The following NOXA1 variants were observed in gnomAD, a reference collection of about 807,000 sequenced individuals.
NOXA1 encodes the protein NCF2-like protein.
In NOXA1, 56 loss-of-function variants were observed where a neutral mutation model predicts 64.8. The observed-to-expected ratio is 0.86, with a 90% CI of 0.70 to 1.08. NOXA1 has a LOEUF of 1.08. Ranked by LOEUF, NOXA1 falls within the 50% of genes least tolerant of loss-of-function variation. The pLI is 0.00. For missense variants in NOXA1, 668 were observed against 658.5 expected, an observed-to-expected ratio of 1.01 and a Z score of -0.16; for synonymous variants, 295 against 294.8, an observed-to-expected ratio of 1.00 and a Z score of -0.01.
chr9:137,433,963 A>G lies in NOXA1; in HGVS notation c.1180-2A>G, dbSNP rs765672446. ...GACCTGCAGCCCACTCTCCTGCCTC[A>G]GGGAGCCGGGGGTCGGCCGGTCCTC... On this transcript the variant is annotated splice_acceptor_variant, in intron 12 of 13. Transcript: ENST00000683555. LOFTEE classifies it high-confidence loss of function. The G allele has an allele frequency of 1.3e-6, 2 of 1,543,962 alleles. 1 individual carries two copies. Among genetic ancestry groups the G allele is most frequent in the South Asian group, 2.4e-5 (2 of 84,014 alleles).
chr9:137,431,338 G>A lies in NOXA1; in HGVS notation c.801G>A (p.Glu267=). The change falls in exon 8 of 14, where the codon GAG becomes GAA. Residue 267 remains glutamate (E), a synonymous_variant. Coordinates refer to ENST00000683555, the MANE Select transcript of NOXA1 (RefSeq NM_001256067.2). This position sits in a 1 kb window ranked among gnomAD's most constrained non-coding sequence, Gnocchi z 5.6. ...ADRCTSTAYQ[E]QRPQVEQVGK... Reference sequence around the variant, plus strand: ...GCTGCACGTCGACTGCCTACCAGGAGCAGGTGCGTGGGCCTGGGCCTCTTC... The same window carrying A: ...GCTGCACGTCGACTGCCTACCAGGAACAGGTGCGTGGGCCTGGGCCTCTTC... 6.2e-7 allele frequency: 1 copy of A among 1,606,984 alleles called. No homozygotes were observed. The highest frequency in any genetic ancestry group is 8.5e-7 in the Non-Finnish European group (1 of 1,179,180).
intron 13 of NOXA1, 45 bp downstream of exon 13, chr9:137,434,124 G>A (rs953977373): frequency 1.3e-6 from 2 of 1,582,458 alleles, no homozygotes; most frequent in African/African-American, 1.3e-5. Flanking sequence ...TGGTGCCCGG[G>A]GTGTGGGGGG....
In NOXA1 at chr9:137,428,993, G is replaced by A; in HGVS notation, c.481G>A (p.Asp161Asn). 3.1e-6 allele frequency: 5 copies of A among 1,590,994 alleles called. No individual in the cohort carries two copies. The highest frequency in any genetic ancestry group is 4.3e-6 in the Non-Finnish European group (5 of 1,167,896). Residue 161 changes from aspartate to asparagine, a missense_variant, in exon 4 of 14, where the codon GAC becomes AAC. Asp to Asn is a conservative substitution (Grantham distance 23, BLOSUM62 1). Coordinates refer to ENST00000683555, the MANE Select transcript of NOXA1 (RefSeq NM_001256067.2). Reference sequence around the variant, plus strand: ...GCCGGAGGGGTCCCTGAATGGCCTGGACTCAGCCCTGGACCAAGTGCAGGT... The same window carrying A: ...GCCGGAGGGGTCCCTGAATGGCCTGAACTCAGCCCTGGACCAAGTGCAGGT... ...KWPEGSLNGL[D>N]SALDQVQRRG... is the part of the protein sequence containing the mutation.
At position 137,426,340 on chromosome 9, in the gene NOXA1, G is replaced by C. The variant is rs72765154; in HGVS notation, c.260+10G>C. 292,681 of 1,610,622 alleles carry C rather than the reference G, an allele frequency of 0.18. 29,760 individuals are homozygous for C. Among genetic ancestry groups the C allele is most frequent in the Middle Eastern group, 0.25 (1,498 of 6,054 alleles). ...ACTTCCAGCTGGCAAGGTGAGTACA[G>C]GGGTGCCTTGTTCCTTCTCTGACGG... On this transcript the variant is annotated intron_variant, in intron 2 of 13. Transcript: ENST00000683555.
rs748841383 is a variant in NOXA1 at position 137,430,827 on chromosome 9, GC to G, written c.659del (p.Pro220LeufsTer16). On this transcript the variant is annotated frameshift_variant, in exon 6 of 14. Transcript: ENST00000683555. LOFTEE classifies it high-confidence loss of function. ...CCCGACGACCAGGGCTGGGGCGTCC[GC>G]CCTCAGCAGCCACAGGTGGGTTTGC... ...AIPDDQGWGV[R>X]PQQPQGPGAN... 1.3e-6 allele frequency: 2 copies of G among 1,587,368 alleles called. No homozygotes were observed. Among genetic ancestry groups the G allele is most frequent in the South Asian group, 1.1e-5 (1 of 89,470 alleles).
chr9:137,430,716 C>T (rs1046019805), intron 5 of NOXA1, 68 bp from the exon 6 acceptor site: 17 of 1,383,648 alleles, frequency 1.2e-5, no homozygotes, highest in South Asian at 4.1e-5. Flanking sequence ...CACGGTGGGG[C>T]GGGCTGCAGG....
At chr9:137,427,966 G>C in intron 2 of NOXA1, 67 bp from the exon 3 acceptor site, 4 of 1,160,992 alleles carry the variant, frequency 3.4e-6, no homozygotes, top group Non-Finnish European at 5.0e-6. Context: ...CGGGGCTGGT[G>C]TGAAAGCTGC....
chr9:137,425,295 CA>C (rs1451836057), intron 1 of NOXA1, among the ~76,000 whole-genome samples: 3 of 152,246 alleles, frequency 2.0e-5, no homozygotes, highest in Non-Finnish European at 4.4e-5. Flanking sequence ...GTGCTTTACA[CA>C]CAGATAAACA....
intron 8 of NOXA1, among the ~76,000 whole-genome samples, chr9:137,432,375 C>T (rs556047073): frequency 4.6e-5 from 7 of 151,714 alleles, no homozygotes; most frequent in Admixed American, 2.6e-4. Flanking sequence ...ATCAGGAGAT[C>T]GAGACCATCC....
In NOXA1 at chr9:137,433,871, C is replaced by T. The variant is rs1207999671; in HGVS notation, c.1179+7C>T. On this transcript the variant is annotated splice_region_variant and intron_variant, in intron 12 of 13. Transcript: ENST00000683555. The stretch of plus-strand genomic sequence containing the variant: ...GCTGCAGCTGCAGTGCAGGGTGAGC[C>T]AAGGGCGAGGCAGGGGCAGGGGCAC... The T allele has an allele frequency of 6.8e-7, 1 of 1,465,896 alleles. No homozygotes were observed. Among genetic ancestry groups the T allele is most frequent in the East Asian group, 2.5e-5 (1 of 40,254 alleles). The allele number at this position is 1,465,896 out of a possible 1,614,324, so 90.8% of individuals were successfully genotyped here.
chr9:137,423,687 AC>A lies in NOXA1; in HGVS notation c.162del (p.Glu55ArgfsTer11). On this transcript the variant is annotated frameshift_variant, in exon 1 of 14. Coordinates refer to ENST00000683555, the MANE Select transcript of NOXA1 (RefSeq NM_001256067.2). LOFTEE classifies it high-confidence loss of function. ...GGCTGCGTGCACCTGCTGGCCGGGG[AC>A]CCCGAGGCCGCGCTGCGGGTGAGCG... Reference protein sequence around the residue: ...NAGCVHLLAGDPEAALRAFDQ... With the variant: ...NAGCVHLLAGXPEAALRAFDQ... 2 of 1,337,256 alleles carry A rather than the reference AC, an allele frequency of 1.5e-6. No homozygotes were observed. The highest frequency in any genetic ancestry group is 1.8e-5 in the South Asian group (1 of 54,594). 82.8% of individuals were successfully genotyped at this position (1,337,256 alleles called of 1,614,324 possible).
chr9:137,425,075 C>A (rs1315067638), intron 1 of NOXA1, among the ~76,000 whole-genome samples: 4 of 152,228 alleles, frequency 2.6e-5, no homozygotes, highest in African/African-American at 9.6e-5. Context: ...GTTCTGCTGG[C>A]CCTGAGCCGC....
chr9:137,429,726 G>A (rs1388034853), intron 5 of NOXA1, among the ~76,000 whole-genome samples: 1 of 151,904 alleles, frequency 6.6e-6, no homozygotes, highest in Non-Finnish European at 1.5e-5. Flanking sequence ...GTCCTTTCAT[G>A]CCTTTGTGTC....
At chr9:137,424,584 C>T (rs760005112) in intron 1 of NOXA1, among the ~76,000 whole-genome samples, 7 of 152,130 alleles carry the variant, frequency 4.6e-5, no homozygotes, top group African/African-American at 1.2e-4. Flanking sequence ...GGAGTACAGG[C>T]GCCCACTACC....
rs1564241625 is a variant in NOXA1, at chr9:137,433,010, G to T, written c.805-19G>T. ...GCACCTGACCGCCCCAGCCCACCCA[G>T]CCTGTGCTTCTCTTGCAGAGGCCCC... On this transcript the variant is annotated intron_variant, in intron 8 of 13. Coordinates refer to ENST00000683555, the MANE Select transcript of NOXA1 (RefSeq NM_001256067.2). 1.2e-6 allele frequency: 2 copies of T among 1,612,272 alleles called. No homozygotes were observed. The highest frequency in any genetic ancestry group is 4.5e-5 in the East Asian group (2 of 44,870).
rs1346247294 is a variant in NOXA1 at position 137,427,909 on chromosome 9, G to T, written c.261-124G>T. 9.2e-6 allele frequency: 6 copies of T among 653,768 alleles called. No homozygotes were observed. In the East Asian group the frequency reaches 1.7e-4, roughly 18 times the overall value. The allele number at this position is 653,768 out of a possible 1,614,324, so 40.5% of individuals were successfully genotyped here. A position where few individuals can be genotyped will look rare whatever the true frequency, so the allele number is the denominator to read the frequency against. ...AGTGTGCAGACCTAGGCACCGCACT[G>T]CCCTCCCTCAGGTCTCCTTGGAACC... On this transcript the variant is annotated intron_variant, in intron 2 of 13. Transcript: ENST00000683555.
intron 2 of NOXA1, among the ~76,000 whole-genome samples, chr9:137,426,625 C>T (rs1838856645): frequency 6.6e-6 from 1 of 152,212 alleles, no homozygotes; most frequent in Non-Finnish European, 1.5e-5. Flanking sequence ...GGCCATGCCT[C>T]GGCCTCTCTG....
Position 137,428,923 on chromosome 9 carries a change from C to A in NOXA1, c.411C>A (p.Leu137=). Reference sequence around the variant, plus strand: ...CGTCGGCACAGTGCCAGCTGGGGCTCTGGACAGAGGCGGCCAGCAGCCTAA... The same window carrying A: ...CGTCGGCACAGTGCCAGCTGGGGCTATGGACAGAGGCGGCCAGCAGCCTAA... The part of the protein sequence containing the change: ...NVASAQCQLG[L]WTEAASSLRE... The change falls in exon 4 of 14, where the codon CTC becomes CTA. Residue 137 remains leucine (L), a synonymous_variant. Transcript: ENST00000683555. 6.3e-7 allele frequency: 1 copy of A among 1,595,572 alleles called. No individual in the cohort carries two copies. The highest frequency in any genetic ancestry group is 1.7e-5 in the Admixed American group (1 of 57,712).
At chr9:137,423,922 G>A (rs1388657200) in intron 1 of NOXA1, among the ~76,000 whole-genome samples, 3 of 152,172 alleles carry the variant, frequency 2.0e-5, no homozygotes, top group Admixed American at 1.3e-4. Context: ...GGGGCCCGAG[G>A]GTGACTCACA....
Sources: gnomAD v4.1 joint callset for allele counts (sites outside exome capture counted in the v4.1 genomes callset) on GRCh38, gnomAD v4.1.1 for gene constraint, Gnocchi (gnomAD v3.1) non-coding constraint, MANE v1.5 for transcripts, NCBI Gene and HGNC (gene_info 2026-07-23, HGNC 2026-07-21) for gene names.